IGF1R: variants seen among roughly 807,000 people sequenced by gnomAD.
The protein encoded by IGF1R is insulin-like growth factor 1 receptor.
In IGF1R, 44 loss-of-function variants were observed where a neutral mutation model predicts 144.6. That is an observed-to-expected ratio of 0.30 (90% CI 0.24 to 0.39). IGF1R has a LOEUF of 0.39. IGF1R is among the 10% of genes least tolerant of loss of function. The probability of loss-of-function intolerance (pLI) is 1.00; values close to 1 mark genes in which losing one functional copy is unlikely to be tolerated. For synonymous variants in IGF1R, 795 were observed against 722.8 expected (o/e 1.10, Z -1.60); for missense variants, 1,355 against 1,833.7 (o/e 0.74, Z 4.77).
intron 2 of IGF1R, among the ~76,000 whole-genome samples, chr15:98,889,910 G>A (rs780164097): frequency 5.3e-5 from 8 of 152,158 alleles, no homozygotes; most frequent in African/African-American, 9.7e-5. Flanking sequence ...GATAAAGTAG[G>A]AAATGTATAA....
intron 1 of IGF1R, among the ~76,000 whole-genome samples, chr15:98,655,666 C>A (rs1377032530): frequency 6.6e-6 from 1 of 151,294 alleles, no homozygotes; most frequent in African/African-American, 2.4e-5. Context: ...TAAAACGAAA[C>A]AAACTAGTAA....
In IGF1R at chr15:98,958,393, T is replaced by A. The variant is rs1210401728; in HGVS notation, c.*951T>A. ...GGAGTCAAGGGGCCCCATGCCTGCT[T>A]CTCTCCCAGCCCCAGCTCCCCCGCC... On this transcript the variant is annotated 3_prime_UTR_variant, in exon 21 of 21. Coordinates refer to ENST00000650285, the MANE Select transcript of IGF1R (RefSeq NM_000875.5). 1 of 224,390 alleles carries A rather than the reference T, an allele frequency of 4.5e-6. No individual in the cohort carries two copies. The highest frequency in any genetic ancestry group is 2.2e-5 in the African/African-American group (1 of 44,724). 13.9% of individuals were successfully genotyped at this position (224,390 alleles called of 1,614,324 possible).
chr15:98,683,289 A>T (rs2053237966), intron 1 of IGF1R, among the ~76,000 whole-genome samples: 1 of 152,094 alleles, frequency 6.6e-6, no homozygotes, highest in Admixed American at 6.6e-5. Context: ...GTGATTCCTC[A>T]AGTGGTCTGG....
At chr15:98,653,086 A>G (rs1359352630) in intron 1 of IGF1R, among the ~76,000 whole-genome samples, 1 of 152,116 alleles carries the variant, frequency 6.6e-6, no homozygotes, top group African/African-American at 2.4e-5. Flanking sequence ...GCAGCAATAC[A>G]ACAAACTGAT....
At chr15:98,709,269 C>T (rs186670153) in intron 2 of IGF1R, among the ~76,000 whole-genome samples, 135 of 152,350 alleles carry the variant, frequency 8.9e-4, no homozygotes, top group Admixed American at 1.7e-3. Flanking sequence ...GGACAGACCT[C>T]CCAGGTAGCC....
intron 2 of IGF1R, among the ~76,000 whole-genome samples, chr15:98,799,644 G>T (rs1225471511): frequency 6.6e-6 from 1 of 152,178 alleles, no homozygotes; most frequent in African/African-American, 2.4e-5. Context: ...CCGGCATGGG[G>T]GACCGAGTGT....
At position 98,888,438 on chromosome 15, in the gene IGF1R, A is replaced by AGAGAGTGTGTGTGTGTGT. The variant is rs1555457179; in HGVS notation, c.641-2886_641-2885insAGAGTGTGTGTGTGTGTG. On this transcript the variant is annotated intron_variant, in intron 2 of 20. Transcript: ENST00000650285. ...TGGGGGTTTGATGAGAGAGAGAGAG[A>AGAGAGTGTGTGTGTGTGT]GTGTGTGTGTGTGTGTGTGTGTGTG... Among the ~76,000 whole-genome samples the AGAGAGTGTGTGTGTGTGT allele has an allele frequency of 3.2e-3, 464 of 143,444 alleles. 3 individuals carry two copies. Among genetic ancestry groups the AGAGAGTGTGTGTGTGTGT allele is most frequent in the African/African-American group, 8.9e-3 (345 of 38,770 alleles). 94.1% of individuals were successfully genotyped at this position (143,444 alleles called of 152,430 possible).
intron 2 of IGF1R, among the ~76,000 whole-genome samples, chr15:98,773,682 C>CA (rs1448619984): frequency 6.6e-6 from 1 of 152,178 alleles, no homozygotes; most frequent in African/African-American, 2.4e-5. Flanking sequence ...GACTGTACCC[C>CA]ACACTGTAAT....
At chr15:98,953,849 G>C (rs2016872739) in intron 20 of IGF1R, among the ~76,000 whole-genome samples, 1 of 152,160 alleles carries the variant, frequency 6.6e-6, no homozygotes, top group Admixed American at 6.5e-5. Context: ...GGTTCTGCGG[G>C]AATCGAGTGC....
chr15:98,940,455 G>A (rs981647095), intron 18 of IGF1R, among the ~76,000 whole-genome samples: 7 of 152,208 alleles, frequency 4.6e-5, no homozygotes, highest in Admixed American at 6.5e-5. Flanking sequence ...CCAAGCTGGA[G>A]TGCAGTGGCA....
chr15:98,762,169 G>A (rs998945295), intron 2 of IGF1R, among the ~76,000 whole-genome samples: 1 of 149,474 alleles, frequency 6.7e-6, no homozygotes, highest in African/African-American at 2.5e-5. Context: ...TGCATAAATA[G>A]CATTGGAGGA....
chr15:98,835,104 CACACA>C (rs2057072894), intron 2 of IGF1R, among the ~76,000 whole-genome samples: 2 of 150,228 alleles, frequency 1.3e-5, no homozygotes, highest in Non-Finnish European at 1.5e-5. Flanking sequence ...CACACACACA[CACACA>C]CCCCTACACC....
At chr15:98,840,546 T>A (rs1284034546) in intron 2 of IGF1R, among the ~76,000 whole-genome samples, 1 of 152,154 alleles carries the variant, frequency 6.6e-6, no homozygotes, top group African/African-American at 2.4e-5. Context: ...AACTCCTGGG[T>A]TCATGCAGTC....
At chr15:98,901,302 A>G (rs1427817602) in intron 5 of IGF1R, among the ~76,000 whole-genome samples, 3 of 152,178 alleles carry the variant, frequency 2.0e-5, no homozygotes, top group Non-Finnish European at 2.9e-5. Flanking sequence ...CTGCAGCTCC[A>G]AGGATGCTGG....
At chr15:98,685,381 G>A (rs2053300554) in intron 1 of IGF1R, among the ~76,000 whole-genome samples, 1 of 152,194 alleles carries the variant, frequency 6.6e-6, no homozygotes, top group Non-Finnish European at 1.5e-5. Flanking sequence ...CATGCTTTGT[G>A]TGGGTTCTTA....
chr15:98,867,998 C>G (rs1244920394), intron 2 of IGF1R, among the ~76,000 whole-genome samples: 1 of 152,054 alleles, frequency 6.6e-6, no homozygotes, highest in Non-Finnish European at 1.5e-5. Context: ...GTCGGGAGTT[C>G]GAGACTAGCC....
intron 6 of IGF1R, among the ~76,000 whole-genome samples, chr15:98,909,921 T>C (rs2014929278): frequency 6.6e-6 from 1 of 152,192 alleles, no homozygotes; most frequent in Admixed American, 6.5e-5. Context: ...TCTGGCTGGA[T>C]AGGGTTATAA....
chr15:98,686,353 G>A (rs1006811384), intron 1 of IGF1R, among the ~76,000 whole-genome samples: 1 of 152,154 alleles, frequency 6.6e-6, no homozygotes, highest in Non-Finnish European at 1.5e-5. Context: ...CCCCGCTTTG[G>A]CTACTGTGAA....
chr15:98,663,116 A>G (rs186654485), intron 1 of IGF1R, among the ~76,000 whole-genome samples: 7 of 152,256 alleles, frequency 4.6e-5, no homozygotes, highest in Non-Finnish European at 1.0e-4. Context: ...GAGACCAGGA[A>G]GCAGGAATGG....
Sources: allele counts gnomAD v4.1 joint callset (sites outside exome capture counted in the v4.1 genomes callset), GRCh38; gene constraint gnomAD v4.1.1; transcripts MANE v1.5; gene names NCBI Gene and HGNC (gene_info 2026-07-23, HGNC 2026-07-21).